PCDHA5: variants seen among roughly 807,000 people sequenced by gnomAD.
PCDHA5 encodes protocadherin alpha 5.
Under a neutral mutation model 61.6 loss-of-function variants are expected in PCDHA5, and 43 were observed. That is an observed-to-expected ratio of 0.70 (90% confidence interval 0.55 to 0.90). PCDHA5 has a LOEUF of 0.90. Among genes scored for constraint, PCDHA5 ranks in the 40% least tolerant of loss-of-function variants. The pLI is 0.00. For synonymous variants in PCDHA5, 627 were observed against 543.9 expected (o/e 1.15, Z -2.13); for missense variants, 1,298 against 1,222.7 (o/e 1.06, Z -0.92).
At chr5:140,865,799 T>A (rs1286819785) in intron 1 of PCDHA5, 1 of 152,200 alleles carries the variant, frequency 6.6e-6, no homozygotes, top group East Asian at 1.9e-4. Context: ...GGCTTCAGAC[T>A]CATTCTTTTA....
chr5:140,824,836 T>C (rs2150071558), intron 1 of PCDHA5: 1 of 152,184 alleles, frequency 6.6e-6, no homozygotes, highest in South Asian at 2.1e-4. Flanking sequence ...ATTATTTTAT[T>C]ACACTAATTT....
intron 1 of PCDHA5, among the ~76,000 whole-genome samples, chr5:140,964,532 G>A (rs995586958): frequency 2.0e-5 from 3 of 152,156 alleles, no homozygotes; most frequent in Non-Finnish European, 4.4e-5. Context: ...TCTGAGCTGC[G>A]TGCAGAGATG....
At chr5:140,907,392 A>G (rs1362391388) in intron 1 of PCDHA5, among the ~76,000 whole-genome samples, 1 of 152,202 alleles carries the variant, frequency 6.6e-6, no homozygotes, top group Non-Finnish European at 1.5e-5. Context: ...GTCAAAGGCA[A>G]TGCTGTGTGG....
chr5:140,918,456 T>A (rs782254836), intron 1 of PCDHA5, among the ~76,000 whole-genome samples: 9 of 152,316 alleles, frequency 5.9e-5, no homozygotes, highest in South Asian at 4.1e-4. Flanking sequence ...GTGGGCATCC[T>A]TGTCTTATTC....
rs2150125210 is a variant in PCDHA5, at chr5:140,823,380, C to T, written c.1605C>T (p.Ser535=). 1.2e-6 allele frequency: 2 copies of T among 1,612,686 alleles called. No homozygotes were observed. The highest frequency in any genetic ancestry group is 2.2e-5 in the East Asian group (1 of 44,852). The change falls in exon 1 of 4, where the codon AGC becomes AGT. Residue 535 remains serine, a synonymous_variant. Coordinates refer to ENST00000529859, the MANE Select transcript of PCDHA5 (RefSeq NM_018908.3). ...TGGAGCTGCTGCAGTTCCAGGTGAG[C>T]GCGCGCGACGCGGGCGTGCCGCCTC... is the stretch of plus-strand genomic sequence containing the variant. ...EEVELLQFQV[S]ARDAGVPPLG... is the part of the protein sequence containing the mutation.
intron 1 of PCDHA5, chr5:140,825,479 G>GT (rs1181440529): frequency 6.7e-6 from 1 of 149,750 alleles, no homozygotes; most frequent in Admixed American, 6.7e-5. Flanking sequence ...TTTTGCTCTT[G>GT]TTGCCCAAAC....
At chr5:140,965,521 G>T (rs1554227745) in intron 1 of PCDHA5, among the ~76,000 whole-genome samples, 1 of 150,834 alleles carries the variant, frequency 6.6e-6, no homozygotes, top group African/African-American at 2.4e-5. Flanking sequence ...TAACTGCAAA[G>T]CATTAATGGA....
At chr5:140,947,221 T>A (rs181563367) in intron 1 of PCDHA5, among the ~76,000 whole-genome samples, 1 of 151,730 alleles carries the variant, frequency 6.6e-6, no homozygotes, top group East Asian at 1.9e-4. Context: ...TCCTGTCATT[T>A]ATGACAGGAA....
At chr5:140,939,011 CT>C (rs1302482579) in intron 1 of PCDHA5, among the ~76,000 whole-genome samples, 3 of 152,262 alleles carry the variant, frequency 2.0e-5, no homozygotes, top group South Asian at 2.1e-4. Flanking sequence ...AGAAGTGTTA[CT>C]TTTCTTTTAC....
At chr5:140,841,244 G>C (rs2150312365) in intron 1 of PCDHA5, 34 of 1,496,206 alleles carry the variant, frequency 2.3e-5, no homozygotes, top group South Asian at 2.7e-5. Flanking sequence ...CAGCGGAATT[G>C]GATTAAAAGA....
intron 1 of PCDHA5, chr5:140,849,896 CA>C: frequency 6.3e-7 from 1 of 1,598,590 alleles, no homozygotes; most frequent in Non-Finnish European, 8.6e-7. Context: ...TGAAGGAGAA[CA>C]ACCCGCCGGG....
Position 140,875,195 on chromosome 5 carries a change from G to A in PCDHA5, c.2352+51068G>A, listed in dbSNP as rs1554167540. On this transcript the variant is annotated intron_variant, in intron 1 of 3. Transcript: ENST00000529859. ...AACATTAGAATTAAGAGTGACCCAG[G>A]AAGTGGCTAAACCGAAAAGAACCTC... is the stretch of plus-strand genomic sequence containing the variant. The A allele has an allele frequency of 1.5e-5, 8 of 526,354 alleles. No individual in the cohort carries two copies. The Admixed American group carries it at 1.6e-4, about 10-fold the overall frequency. 32.6% of individuals were successfully genotyped at this position (526,354 alleles called of 1,614,324 possible). A position where few individuals can be genotyped will look rare whatever the true frequency, so the allele number is the denominator to read the frequency against.
At chr5:140,848,871 A>T in intron 1 of PCDHA5, 1 of 1,590,856 alleles carries the variant, frequency 6.3e-7, no homozygotes, top group Non-Finnish European at 8.6e-7. Context: ...GGTGAAGGAC[A>T]TTAACGACAA....
intron 1 of PCDHA5, among the ~76,000 whole-genome samples, chr5:140,914,094 T>A (rs563496078): frequency 6.9e-4 from 105 of 152,324 alleles, no homozygotes; most frequent in African/African-American, 2.5e-3. Context: ...GTCAATTTGT[T>A]CTATAGTGCA....
intron 1 of PCDHA5, among the ~76,000 whole-genome samples, chr5:140,947,967 T>C (rs565128955): frequency 1.2e-4 from 18 of 151,462 alleles, no homozygotes; most frequent in Non-Finnish European, 2.2e-4. Flanking sequence ...ATTAAGTATG[T>C]GCTACTCATA....
At chr5:140,877,828 C>T (rs781916987) in intron 1 of PCDHA5, 19 of 1,599,838 alleles carry the variant, frequency 1.2e-5, no homozygotes, top group Non-Finnish European at 1.5e-5. Flanking sequence ...TTGTTTAAAT[C>T]CTCCCAGTGA....
At position 140,953,880 on chromosome 5, in the gene PCDHA5, C is replaced by T. The variant is rs56350351; in HGVS notation, c.2353-25069C>T. On this transcript the variant is annotated intron_variant, in intron 1 of 3. Coordinates refer to ENST00000529859, the MANE Select transcript of PCDHA5 (RefSeq NM_018908.3). ...TGGTGGTTTGCTGCACAGATCAACCCATCACCTAGGTATTAAGCCCAGCAT... is the reference window on the plus strand; with the variant it reads ...TGGTGGTTTGCTGCACAGATCAACCTATCACCTAGGTATTAAGCCCAGCAT... Among the ~76,000 whole-genome samples, 609 of 152,246 alleles carry T rather than the reference C, an allele frequency of 4.0e-3. 7 individuals are homozygous for T. Among genetic ancestry groups the T allele is most frequent in the African/African-American group, 0.014 (577 of 41,548 alleles).
chr5:140,922,643 C>T (rs1554200906), intron 1 of PCDHA5, among the ~76,000 whole-genome samples: 3 of 152,192 alleles, frequency 2.0e-5, no homozygotes, highest in African/African-American at 7.2e-5. Flanking sequence ...CTCCATCAAA[C>T]AGTAAATATG....
rs1195729562 is a variant in PCDHA5, at chr5:140,897,783, G to A, written c.2352+73656G>A. 1.3e-3 allele frequency among the ~76,000 whole-genome samples: 204 copies of A among 152,264 alleles called. 1 individual carries two copies. The highest frequency in any genetic ancestry group is 0.011 in the South Asian group (52 of 4,820). ...CGCCACACTGACTTCCACAATGGTTGAACTAGTTTAGAGTCCCACCAACAG... is the reference window on the plus strand; with the variant it reads ...CGCCACACTGACTTCCACAATGGTTAAACTAGTTTAGAGTCCCACCAACAG... On this transcript the variant is annotated intron_variant, in intron 1 of 3. Transcript: ENST00000529859.
Sources: allele counts gnomAD v4.1 joint callset (sites outside exome capture counted in the v4.1 genomes callset), GRCh38; gene constraint gnomAD v4.1.1; transcripts MANE v1.5; gene names NCBI Gene and HGNC (gene_info 2026-07-23, HGNC 2026-07-21).